Variants in PDE8B observed in about 807,000 individuals in gnomAD.
PDE8B encodes the protein phosphodiesterase 8B.
In PDE8B, 26 loss-of-function variants were observed where a neutral mutation model predicts 101.3. The observed-to-expected ratio is 0.26, with a 90% CI of 0.19 to 0.36. The LOEUF (loss-of-function observed/expected upper bound fraction) is 0.36, where lower values mean the gene tolerates loss of function less well. Among genes scored for constraint, PDE8B ranks in the 10% least tolerant of loss-of-function variants. The probability of loss-of-function intolerance (pLI) is 1.00; values close to 1 mark genes in which losing one functional copy is unlikely to be tolerated. For missense variants in PDE8B, 810 were observed against 1,163.1 expected, an observed-to-expected ratio of 0.70 and a Z score of 4.42; for synonymous variants, 424 against 429.3, an observed-to-expected ratio of 0.99 and a Z score of 0.15.
intron 1 of PDE8B, among the ~76,000 whole-genome samples, chr5:77,251,595 T>G (rs1203566846): frequency 2.6e-5 from 4 of 152,168 alleles, no homozygotes; most frequent in African/African-American, 9.7e-5. Flanking sequence ...AGTTATGACT[T>G]CTTCCCATGA....
chr5:77,414,467 C>CT lies in PDE8B; in HGVS notation c.1911+1159dup, dbSNP rs1187162051. Among the ~76,000 whole-genome samples, 3 of 152,136 alleles carry CT rather than the reference C, an allele frequency of 2.0e-5. 1 individual carries two copies. Among genetic ancestry groups the CT allele is most frequent in the Non-Finnish European group, 2.9e-5 (2 of 68,030 alleles). On this transcript the variant is annotated intron_variant, in intron 17 of 21. Coordinates refer to ENST00000264917, the MANE Select transcript of PDE8B (RefSeq NM_003719.5). ...ATGGAGTCTTGCACTGTTGCCCAGG[C>CT]TGGAGTGCAGTGGCACGATCTCAGC...
chr5:77,344,980 A>G (rs1301847887), intron 7 of PDE8B, 49 bp downstream of exon 7: 2 of 1,223,024 alleles, frequency 1.6e-6, no homozygotes, highest in East Asian at 2.3e-5. Context: ...TGAACCTTTC[A>G]GGTTTAAGCC....
intron 1 of PDE8B, among the ~76,000 whole-genome samples, chr5:77,217,300 C>T (rs1749985920): frequency 1.3e-5 from 2 of 151,772 alleles, no homozygotes; most frequent in Admixed American, 1.3e-4. Flanking sequence ...CAGTTTATTC[C>T]ATTTTTTTTC....
At chr5:77,421,718 C>A (rs969673639) in intron 19 of PDE8B, 103 bp from the exon 20 acceptor site, 9 of 1,073,092 alleles carry the variant, frequency 8.4e-6, no homozygotes, top group Non-Finnish European at 1.3e-5. Flanking sequence ...AGTCCCAGTC[C>A]TACCTGTGTG....
chr5:77,152,670 G>A, the PDE8B span, among the ~76,000 whole-genome samples: 6 of 152,268 alleles, frequency 3.9e-5, no homozygotes, highest in Non-Finnish European at 7.4e-5. Flanking sequence ...TCTGGGGCAC[G>A]GCCTGGATGG....
rs536216795 is a variant in PDE8B, at chr5:77,379,695, C to T, written c.1168-20553C>T. ...GTTTTGTTCCGGTGTTTAGGAGCTG[C>T]TTGGGTGCGGATTTTGAGAAGTGAA... On this transcript the variant is annotated intron_variant, in intron 10 of 21. Transcript: ENST00000264917. 5.3e-5 allele frequency among the ~76,000 whole-genome samples: 8 copies of T among 152,268 alleles called. No individual in the cohort carries two copies. In the South Asian group the frequency reaches 1.5e-3, roughly 28 times the overall value.
chr5:77,212,724 A>G (rs1227654546), intron 1 of PDE8B, among the ~76,000 whole-genome samples: 2 of 152,146 alleles, frequency 1.3e-5, no homozygotes, highest in Non-Finnish European at 2.9e-5. Context: ...GCTGAACGCT[A>G]TACTTTGCTT....
intron 1 of PDE8B, among the ~76,000 whole-genome samples, chr5:77,219,283 A>G (rs1427544215): frequency 6.6e-6 from 1 of 152,168 alleles, no homozygotes; most frequent in Non-Finnish European, 1.5e-5. Context: ...TTGTTGGGAA[A>G]ATGATACACT....
At chr5:77,406,510 A>G (rs920837383) in intron 12 of PDE8B, among the ~76,000 whole-genome samples, 1 of 152,230 alleles carries the variant, frequency 6.6e-6, no homozygotes, top group Non-Finnish European at 1.5e-5. Context: ...TTGGAGCAGA[A>G]CTTGAAGGGG....
chr5:77,157,206 A>G, the PDE8B span, among the ~76,000 whole-genome samples: 1 of 152,048 alleles, frequency 6.6e-6, no homozygotes, highest in East Asian at 1.9e-4. Context: ...AATTCACTCT[A>G]TTTAAATATA....
At chr5:77,148,100 A>T in the PDE8B span, 1 of 152,232 alleles carries the variant, frequency 6.6e-6, no homozygotes, top group Admixed American at 6.5e-5. Flanking sequence ...CCAAGACAAG[A>T]CATTATATAC....
intron 1 of PDE8B, among the ~76,000 whole-genome samples, chr5:77,278,841 A>G (rs1194319503): frequency 6.6e-6 from 1 of 152,106 alleles, no homozygotes; most frequent in Admixed American, 6.5e-5. Flanking sequence ...TCAATTTTTT[A>G]CGCTTTTTAT....
chr5:77,092,235 G>C, the PDE8B span, among the ~76,000 whole-genome samples: 1 of 152,056 alleles, frequency 6.6e-6, no homozygotes, highest in Non-Finnish European at 1.5e-5. Flanking sequence ...TAAATTTTGT[G>C]AGTCAATGCT....
At chr5:77,135,376 T>C in the PDE8B span, among the ~76,000 whole-genome samples, 2 of 152,172 alleles carry the variant, frequency 1.3e-5, no homozygotes, top group South Asian at 2.1e-4. Flanking sequence ...GCATTTCTAA[T>C]TGAAATAATA....
At chr5:77,144,759 T>G in the PDE8B span, 2 of 152,054 alleles carry the variant, frequency 1.3e-5, no homozygotes, top group Non-Finnish European at 2.9e-5. Context: ...TCCATTCTCT[T>G]CACCGAAGCA....
At chr5:77,163,065 T>C in the PDE8B span, among the ~76,000 whole-genome samples, 5 of 152,380 alleles carry the variant, frequency 3.3e-5, no homozygotes, top group African/African-American at 9.6e-5. Flanking sequence ...TTATGTCTTA[T>C]TTCTCAAAGT....
At chr5:77,240,693 T>C (rs1755604530) in intron 1 of PDE8B, among the ~76,000 whole-genome samples, 1 of 152,234 alleles carries the variant, frequency 6.6e-6, no homozygotes, top group Admixed American at 6.5e-5. Flanking sequence ...CACATTCAAA[T>C]TGAAATTAAC....
the PDE8B span, among the ~76,000 whole-genome samples, chr5:77,170,098 A>G: frequency 6.6e-6 from 1 of 152,180 alleles, no homozygotes; most frequent in Non-Finnish European, 1.5e-5. Context: ...GGCTATAGCT[A>G]AGAAATCTGG....
the PDE8B span, among the ~76,000 whole-genome samples, chr5:77,110,699 G>A: frequency 6.6e-6 from 1 of 152,324 alleles, no homozygotes; most frequent in Admixed American, 6.5e-5. Flanking sequence ...ACCACAGACT[G>A]CGATGAAGTC....
Sources: gnomAD v4.1 joint callset for allele counts (sites outside exome capture counted in the v4.1 genomes callset) on GRCh38, gnomAD v4.1.1 for gene constraint, MANE v1.5 for transcripts, NCBI Gene and HGNC (gene_info 2026-07-23, HGNC 2026-07-21) for gene names.